Variants in SIL1 observed in about 807,000 individuals in gnomAD.
The protein encoded by SIL1 is nucleotide exchange factor SIL1.
A neutral mutation model predicts 49.1 loss-of-function variants in SIL1; 40 were observed. The ratio of observed to expected loss-of-function variants is 0.81; its 90% CI spans 0.63 to 1.06. SIL1 has a LOEUF of 1.06. SIL1 is among the 50% of genes least tolerant of loss of function. The probability of loss-of-function intolerance (pLI) is 0.00; values close to 1 mark genes in which losing one functional copy is unlikely to be tolerated. For missense variants in SIL1, 500 were observed against 572.6 expected (o/e 0.87, Z 1.29); for synonymous variants, 253 against 250.8 (o/e 1.01, Z -0.08).
At chr5:138,985,453 A>G (rs1347240087) in intron 7 of SIL1, among the ~76,000 whole-genome samples, 1 of 152,208 alleles carries the variant, frequency 6.6e-6, no homozygotes, top group African/African-American at 2.4e-5. Context: ...TGGAAAAATG[A>G]AGAGAAACAA....
intron 1 of SIL1, among the ~76,000 whole-genome samples, chr5:139,171,739 GA>G (rs553579332): frequency 2.0e-3 from 288 of 147,190 alleles, no homozygotes; most frequent in African/African-American, 7.1e-3. Context: ...GAAAAAAAAA[GA>G]AAAAAAATAA....
chr5:139,078,777 AAAT>A (rs1379434776), intron 3 of SIL1, among the ~76,000 whole-genome samples: 2 of 152,250 alleles, frequency 1.3e-5, no homozygotes, highest in Non-Finnish European at 2.9e-5. Flanking sequence ...CAAAACTGCC[AAAT>A]AATAATGATA....
chr5:139,015,496 G>A (rs1409008653), intron 7 of SIL1, among the ~76,000 whole-genome samples: 1 of 152,204 alleles, frequency 6.6e-6, no homozygotes, highest in Non-Finnish European at 1.5e-5. Flanking sequence ...AAATCTGGAA[G>A]TAGATGGTTC....
At chr5:139,099,969 G>A (rs1266445238) in intron 3 of SIL1, among the ~76,000 whole-genome samples, 3 of 152,130 alleles carry the variant, frequency 2.0e-5, no homozygotes, top group Non-Finnish European at 4.4e-5. Flanking sequence ...AATGCTTGAG[G>A]GGAAGGATAC....
At chr5:139,173,439 A>G (rs1751814759) in intron 1 of SIL1, among the ~76,000 whole-genome samples, 1 of 151,952 alleles carries the variant, frequency 6.6e-6, no homozygotes, top group Admixed American at 6.6e-5. Flanking sequence ...AATCCCAGCT[A>G]CTCAGGAGGC....
At chr5:139,015,822 T>A (rs888452433) in intron 7 of SIL1, among the ~76,000 whole-genome samples, 1 of 152,258 alleles carries the variant, frequency 6.6e-6, no homozygotes, top group East Asian at 1.9e-4. Context: ...GAATGGGATT[T>A]CCATGTTTGC....
At chr5:139,126,730 G>A (rs1405702496) in intron 2 of SIL1, among the ~76,000 whole-genome samples, 1 of 152,260 alleles carries the variant, frequency 6.6e-6, no homozygotes, top group Non-Finnish European at 1.5e-5. Flanking sequence ...GAAAGGCAGA[G>A]AGGAAACAAA....
At chr5:139,040,178 G>A (rs139350205) in intron 5 of SIL1, among the ~76,000 whole-genome samples, 60 of 152,328 alleles carry the variant, frequency 3.9e-4, no homozygotes, top group African/African-American at 1.3e-3. Flanking sequence ...CCAAAAGCTT[G>A]ATATATGTAA....
chr5:139,001,122 A>G (rs1767976138), intron 7 of SIL1, among the ~76,000 whole-genome samples: 1 of 151,670 alleles, frequency 6.6e-6, no homozygotes, highest in South Asian at 2.1e-4. Context: ...GTCAGGAAAG[A>G]GTAAATTCAA....
At chr5:139,041,831 AAAC>A in intron 5 of SIL1, among the ~76,000 whole-genome samples, 1 of 152,092 alleles carries the variant, frequency 6.6e-6, no homozygotes, top group Non-Finnish European at 1.5e-5. Context: ...AAAAAAAAAA[AAAC>A]AAAAAAAAGC....
At chr5:139,194,121 T>C (rs1339850955) in intron 1 of SIL1, among the ~76,000 whole-genome samples, 1 of 152,216 alleles carries the variant, frequency 6.6e-6, no homozygotes, top group African/African-American at 2.4e-5. Flanking sequence ...ATCACAGCCA[T>C]GTCTTACAGC....
At chr5:139,086,758 G>C (rs555980326) in intron 3 of SIL1, among the ~76,000 whole-genome samples, 113 of 151,328 alleles carry the variant, frequency 7.5e-4, no homozygotes, top group African/African-American at 2.6e-3. Context: ...TCAGGTGTTC[G>C]AGACCAGCCT....
intron 3 of SIL1, among the ~76,000 whole-genome samples, chr5:139,068,985 G>C (rs1476609752): frequency 6.6e-6 from 1 of 152,036 alleles, no homozygotes; most frequent in Non-Finnish European, 1.5e-5. Context: ...TAGAGGCTGT[G>C]TATGGTGACT....
intron 1 of SIL1, among the ~76,000 whole-genome samples, chr5:139,170,065 C>T (rs975331842): frequency 4.6e-5 from 7 of 152,228 alleles, no homozygotes; most frequent in Admixed American, 6.5e-5. Context: ...GACGGGGTTT[C>T]GCTGTGTTGG....
At chr5:139,197,056 G>A (rs1327551534) in intron 1 of SIL1, among the ~76,000 whole-genome samples, 4 of 152,028 alleles carry the variant, frequency 2.6e-5, no homozygotes, top group Admixed American at 2.6e-4. Flanking sequence ...ATCACCTGAG[G>A]TCAGGAGTTC....
At chr5:139,041,830 A>C (rs1769054821) in intron 5 of SIL1, among the ~76,000 whole-genome samples, 1 of 151,992 alleles carries the variant, frequency 6.6e-6, no homozygotes, top group South Asian at 2.1e-4. Context: ...AAAAAAAAAA[A>C]AAACAAAAAA....
At chr5:139,175,931 A>G (rs1751872599) in intron 1 of SIL1, among the ~76,000 whole-genome samples, 1 of 152,124 alleles carries the variant, frequency 6.6e-6, no homozygotes, top group Non-Finnish European at 1.5e-5. Flanking sequence ...CCATTGCATG[A>G]TCTGGGCAAC....
intron 3 of SIL1, among the ~76,000 whole-genome samples, chr5:139,085,079 A>T (rs1433238232): frequency 6.6e-6 from 1 of 152,216 alleles, no homozygotes; most frequent in Non-Finnish European, 1.5e-5. Flanking sequence ...AATGGATATA[A>T]AAGAATATGG....
At chr5:138,966,221 G>A (rs1429983340) in intron 7 of SIL1, among the ~76,000 whole-genome samples, 1 of 152,118 alleles carries the variant, frequency 6.6e-6, no homozygotes, top group African/African-American at 2.4e-5. Context: ...TCAGAAGGTG[G>A]GGGCAAGGCA....
Sources: allele counts gnomAD v4.1 joint callset (sites outside exome capture counted in the v4.1 genomes callset), GRCh38; gene constraint gnomAD v4.1.1; transcripts MANE v1.5; gene names NCBI Gene and HGNC (gene_info 2026-07-23, HGNC 2026-07-21).